The following TARBP1 variants were observed in gnomAD, a reference collection of about 807,000 sequenced individuals.
TARBP1 encodes tRNA guanosine 2 -O-methyltransferase TARBP1, also known as tRNA (guanosine(18)-2'-O)-methyltransferase TARBP1.
TARBP1 carries 144 observed loss-of-function variants against 178.6 expected under a neutral mutation model. The observed-to-expected ratio is 0.81, with a 90% CI of 0.70 to 0.93. TARBP1 has a LOEUF of 0.93. Among genes scored for constraint, TARBP1 ranks in the 40% least tolerant of loss-of-function variants. TARBP1 has a pLI of 0.00. For synonymous variants in TARBP1, 787 were observed against 781.0 expected (o/e 1.01, Z -0.13); for missense variants, 2,067 against 2,011.7 (o/e 1.03, Z -0.53).
chr1:234,407,341 C>CTTT (rs543930869), intron 23 of TARBP1: 23,872 of 136,906 alleles, frequency 0.17, 2,213 homozygotes, highest in East Asian at 0.3. Flanking sequence ...CTTGTCCATC[C>CTTT]TTTTTTTTTT....
chr1:234,421,663 T>C (rs1442831455), intron 20 of TARBP1, among the ~76,000 whole-genome samples: 1 of 152,250 alleles, frequency 6.6e-6, no homozygotes, highest in Admixed American at 6.5e-5. Flanking sequence ...GCACTGAGCC[T>C]TTCCTAGTAA....
intron 20 of TARBP1, among the ~76,000 whole-genome samples, chr1:234,422,008 A>C (rs1486087407): frequency 6.6e-6 from 1 of 152,212 alleles, no homozygotes; most frequent in East Asian, 1.9e-4. Context: ...AAAATCTCAT[A>C]ATCTCTATAT....
At position 234,478,608 on chromosome 1, in the gene TARBP1, T is replaced by C. The variant is rs145605269; in HGVS notation, c.496A>G (p.Thr166Ala). 3.3e-3 allele frequency: 4,332 copies of C among 1,299,346 alleles called. 138 individuals are homozygous for C. In the African/African-American group the frequency reaches 0.062, roughly 19 times the overall value. 80.5% of individuals were successfully genotyped at this position (1,299,346 alleles called of 1,614,324 possible). A position where few individuals can be genotyped will look rare whatever the true frequency, so the allele number is the denominator to read the frequency against. Residue 166 changes from threonine to alanine, a missense_variant, in exon 1 of 30, where the codon ACC becomes GCC. By Grantham distance (58) the Thr-to-Ala change is moderately conservative (BLOSUM62 0). Coordinates refer to ENST00000040877, the MANE Select transcript of TARBP1 (RefSeq NM_005646.4). Reference sequence around the variant, plus strand: ...CCGCCCAGCGCCAGGGCGACGGCGGTCCCCGCCACGCGCTCCAGTAGCGGC... The same window carrying C: ...CCGCCCAGCGCCAGGGCGACGGCGGCCCCCGCCACGCGCTCCAGTAGCGGC... The part of the protein sequence containing the change: ...DGPLLERVAG[T>A]AVALALGGGG...
intron 20 of TARBP1, among the ~76,000 whole-genome samples, chr1:234,424,041 CA>C (rs1167719713): frequency 6.6e-6 from 1 of 152,142 alleles, no homozygotes; most frequent in Admixed American, 6.6e-5. Flanking sequence ...TCCTTGACTC[CA>C]ACACTACAGA....
intron 22 of TARBP1, among the ~76,000 whole-genome samples, chr1:234,417,323 A>G (rs548344134): frequency 1.3e-5 from 2 of 152,130 alleles, no homozygotes; most frequent in African/African-American, 2.4e-5. Context: ...AGACACAAAC[A>G]GGTCACAGGG....
intron 17 of TARBP1, among the ~76,000 whole-genome samples, chr1:234,428,835 C>T (rs147955073): frequency 6.6e-6 from 1 of 152,182 alleles, no homozygotes; most frequent in Non-Finnish European, 1.5e-5. Context: ...CATGAGCCAC[C>T]CCGCCTGGCC....
At chr1:234,460,224 C>A (rs747345157) in intron 7 of TARBP1, 37 bp downstream of exon 7, 1 of 1,568,450 alleles carries the variant, frequency 6.4e-7, no homozygotes, top group African/African-American at 1.4e-5. Flanking sequence ...AAAGTCATGG[C>A]AAATAACCAT....
At chr1:234,403,426 C>T (rs573999049) in intron 24 of TARBP1, among the ~76,000 whole-genome samples, 1 of 152,346 alleles carries the variant, frequency 6.6e-6, no homozygotes, top group Non-Finnish European at 1.5e-5. Flanking sequence ...TGTATTTCCT[C>T]ATCACCACAT....
At chr1:234,439,425 G>T (rs1267703236) in intron 12 of TARBP1, among the ~76,000 whole-genome samples, 1 of 152,084 alleles carries the variant, frequency 6.6e-6, no homozygotes, top group Non-Finnish European at 1.5e-5. Flanking sequence ...ACTGTACAAA[G>T]TATATGTACT....
At chr1:234,467,733 A>C (rs773001417) in intron 3 of TARBP1, 83 bp from the exon 4 acceptor site, 2 of 1,294,122 alleles carry the variant, frequency 1.5e-6, no homozygotes, top group Non-Finnish European at 2.1e-6. Flanking sequence ...ATAATGTACA[A>C]ACACACACAA....
chr1:234,397,219 A>T (rs936510560), intron 26 of TARBP1, among the ~76,000 whole-genome samples: 1 of 150 alleles, frequency 6.7e-3, no homozygotes, highest in East Asian at 0.1. Context: ...GAGGAGGAGG[A>T]GGGGGAGGAG....
At chr1:234,458,759 A>G (rs1667550127) in intron 8 of TARBP1, among the ~76,000 whole-genome samples, 1 of 152,198 alleles carries the variant, frequency 6.6e-6, no homozygotes, top group African/African-American at 2.4e-5. Flanking sequence ...CATACGCTCC[A>G]AGAGTCCTCT....
Position 234,476,749 on chromosome 1 carries a change from T to C in TARBP1, c.931+1424A>G, listed in dbSNP as rs183120611. On this transcript the variant is annotated intron_variant, in intron 1 of 29. Coordinates refer to ENST00000040877, the MANE Select transcript of TARBP1 (RefSeq NM_005646.4). ...AAATTTTAACTGTGACAATATATTT[T>C]ATGATATAACTAAGATATACTATGT... Among the ~76,000 whole-genome samples, 43 of 152,346 alleles carry C rather than the reference T, an allele frequency of 2.8e-4. No individual in the cohort carries two copies. The East Asian group carries it at 6.0e-3, about 21-fold the overall frequency.
At chr1:234,478,005 G>C (rs902423241) in intron 1 of TARBP1, among the ~76,000 whole-genome samples, 168 bp downstream of exon 1, 1 of 152,144 alleles carries the variant, frequency 6.6e-6, no homozygotes, top group Non-Finnish European at 1.5e-5. Context: ...GAACACCCTC[G>C]AGAAGGGGTT....
intron 28 of TARBP1, among the ~76,000 whole-genome samples, chr1:234,392,963 C>T (rs1242044014): frequency 6.6e-6 from 1 of 152,126 alleles, no homozygotes; most frequent in Non-Finnish European, 1.5e-5. Flanking sequence ...TTGTGATCCG[C>T]CCGCCTCGGC....
rs1398852952 is a variant in TARBP1 at position 234,446,954 on chromosome 1, A to G, written c.1983T>C (p.Asn661=). 2 of 1,613,514 alleles carry G rather than the reference A, an allele frequency of 1.2e-6. No individual in the cohort carries two copies. Among genetic ancestry groups the G allele is most frequent in the Non-Finnish European group, 8.5e-7 (1 of 1,179,674 alleles). The change falls in exon 12 of 30, where the codon AAT becomes AAC. Residue 661 remains asparagine, a synonymous_variant. Coordinates refer to ENST00000040877, the MANE Select transcript of TARBP1 (RefSeq NM_005646.4). ...GAGGGTCTAAGAATATCCGCAATAC[A>G]TTCTCTGTTCTCTGCTTTCCGCTAG... is the stretch of plus-strand genomic sequence containing the variant. The part of the protein sequence containing the change: ...TQYSGKQRTE[N]VLRIFLDPLL...
chr1:234,411,370 G>T (rs528378692), intron 22 of TARBP1, among the ~76,000 whole-genome samples: 2 of 152,184 alleles, frequency 1.3e-5, no homozygotes, highest in African/African-American at 4.8e-5. Flanking sequence ...GCATCCGTAG[G>T]GGGCCTGGAA....
intron 11 of TARBP1, among the ~76,000 whole-genome samples, chr1:234,447,360 A>AAC (rs1666288931): frequency 6.6e-6 from 1 of 150,904 alleles, no homozygotes; most frequent in Non-Finnish European, 1.5e-5. Context: ...AAAAAAAAAA[A>AAC]AAACCTAAGG....
chr1:234,473,554 G>A (rs966420128), intron 1 of TARBP1, among the ~76,000 whole-genome samples: 2 of 152,230 alleles, frequency 1.3e-5, no homozygotes, highest in African/African-American at 4.8e-5. Flanking sequence ...GTCCTAGAAT[G>A]CTGGCCAGGC....
Sources: allele counts gnomAD v4.1 joint callset (sites outside exome capture counted in the v4.1 genomes callset), GRCh38; gene constraint gnomAD v4.1.1; transcripts MANE v1.5; gene names NCBI Gene and HGNC (gene_info 2026-07-23, HGNC 2026-07-21).